SPI1: variants seen among roughly 807,000 people sequenced by gnomAD.
The protein encoded by SPI1 is transcription factor PU.1.
A neutral mutation model predicts 30.7 loss-of-function variants in SPI1; 3 were observed. The ratio of observed to expected loss-of-function variants is 0.10; its 90% CI spans 0.04 to 0.25. The LOEUF (loss-of-function observed/expected upper bound fraction) is 0.25, where lower values mean the gene tolerates loss of function less well. SPI1 is among the 10% of genes least tolerant of loss of function. The pLI is 1.00. For synonymous variants in SPI1, 169 were observed against 157.1 expected, an observed-to-expected ratio of 1.08 and a Z score of -0.56; for missense variants, 261 against 371.5, an observed-to-expected ratio of 0.70 and a Z score of 2.45.
chr11:47,378,457 G>T lies in SPI1; in HGVS notation c.-104C>A. The T allele has an allele frequency of 2.3e-6, 3 of 1,324,486 alleles. No individual in the cohort carries two copies. The highest frequency in any genetic ancestry group is 1.1e-6 in the Non-Finnish European group (1 of 945,326). The allele number at this position is 1,324,486 out of a possible 1,614,324, so 82.0% of individuals were successfully genotyped here. A position where few individuals can be genotyped will look rare whatever the true frequency, so the allele number is the denominator to read the frequency against. On this transcript the variant is annotated 5_prime_UTR_variant, in exon 1 of 5. Coordinates refer to ENST00000378538, the MANE Select transcript of SPI1 (RefSeq NM_003120.3). ...CAGGGGCTGGACGGTCGTGGGGCGG[G>T]TGCAGGGCTCAGGCCTGCCCCCTGA...
intron 2 of SPI1, among the ~76,000 whole-genome samples, chr11:47,368,228 A>C (rs1382432167): frequency 6.6e-6 from 1 of 152,070 alleles, no homozygotes; most frequent in Non-Finnish European, 1.5e-5. Context: ...ACCCGGGCAT[A>C]GTGGTGGACA....
chr11:47,360,172 TG>T (rs2095918645), intron 2 of SPI1, 132 bp from the exon 3 acceptor site: 1 of 778,520 alleles, frequency 1.3e-6, no homozygotes, highest in African/African-American at 1.8e-5. Flanking sequence ...GCCACCTGCA[TG>T]GTTACTCTAG....
Position 47,359,057 on chromosome 11 carries a change from CAG to C in SPI1, c.331-53_331-52del. The C allele has an allele frequency of 1.3e-6, 2 of 1,490,468 alleles. No homozygotes were observed. Among genetic ancestry groups the C allele is most frequent in the South Asian group, 1.4e-5 (1 of 71,864 alleles). 92.3% of individuals were successfully genotyped at this position (1,490,468 alleles called of 1,614,324 possible). A position where few individuals can be genotyped will look rare whatever the true frequency, so the allele number is the denominator to read the frequency against. ...AGTCAGGAAGGGCCAGCTTACAGCT[CAG>C]GGGGGCTGGGAGGGAGGTCAGCTGG... On this transcript the variant is annotated intron_variant, in intron 3 of 4. Transcript: ENST00000378538. The surrounding 1 kb of genome is among the most constrained non-coding windows in gnomAD (Gnocchi z 5.1).
At chr11:47,366,610 G>A (rs564647148) in intron 2 of SPI1, among the ~76,000 whole-genome samples, 1 of 152,072 alleles carries the variant, frequency 6.6e-6, no homozygotes, top group African/African-American at 2.4e-5. Context: ...CTGACATCAG[G>A]AGTTCAAGAT....
rs1268525430 is a variant in SPI1 at position 47,359,052 on chromosome 11, C to T, written c.331-46G>A. 8.0e-6 allele frequency: 12 copies of T among 1,500,628 alleles called. No homozygotes were observed. The highest frequency in any genetic ancestry group is 1.4e-5 in the South Asian group (1 of 72,660). 93.0% of individuals were successfully genotyped at this position (1,500,628 alleles called of 1,614,324 possible). Reference sequence around the variant, plus strand: ...ATCAGAGTCAGGAAGGGCCAGCTTACAGCTCAGGGGGGCTGGGAGGGAGGT... The same window carrying T: ...ATCAGAGTCAGGAAGGGCCAGCTTATAGCTCAGGGGGGCTGGGAGGGAGGT... On this transcript the variant is annotated intron_variant, in intron 3 of 4. Coordinates refer to ENST00000378538, the MANE Select transcript of SPI1 (RefSeq NM_003120.3). The surrounding 1 kb of genome is among the most constrained non-coding windows in gnomAD (Gnocchi z 5.1).
At chr11:47,363,245 G>A (rs184783972) in intron 2 of SPI1, among the ~76,000 whole-genome samples, 149 of 152,334 alleles carry the variant, frequency 9.8e-4, no homozygotes, top group African/African-American at 3.5e-3. Flanking sequence ...TCTAGGCCAG[G>A]TGCAGTGGCT....
rs1358763989 is a variant in SPI1 at position 47,358,414 on chromosome 11, A to C, written c.493+430T>G. On this transcript the variant is annotated intron_variant, in intron 4 of 4. Coordinates refer to ENST00000378538, the MANE Select transcript of SPI1 (RefSeq NM_003120.3). The stretch of plus-strand genomic sequence containing the variant: ...CATACGTGCACAGCTGCTCACACGC[A>C]CTGAAATACATTCATGTGTTGACAG... 13 of 628,742 alleles carry C rather than the reference A, an allele frequency of 2.1e-5. No individual in the cohort carries two copies. In the South Asian group the frequency reaches 2.1e-4, roughly 10 times the overall value. 38.9% of individuals were successfully genotyped at this position (628,742 alleles called of 1,614,324 possible).
chr11:47,361,143 G>A (rs1232116467), intron 2 of SPI1, among the ~76,000 whole-genome samples: 1 of 151,938 alleles, frequency 6.6e-6, no homozygotes, highest in Non-Finnish European at 1.5e-5. Flanking sequence ...AAAGAAAAAA[G>A]AAAAGAAAAA....
chr11:47,363,713 A>G (rs927114981), intron 2 of SPI1, among the ~76,000 whole-genome samples: 13 of 152,016 alleles, frequency 8.6e-5, no homozygotes, highest in African/African-American at 2.9e-4. Context: ...CTGTAATCCA[A>G]GCACTTTGGG....
chr11:47,375,604 G>T lies in SPI1; in HGVS notation c.142+29C>A. 1.3e-6 allele frequency: 2 copies of T among 1,555,564 alleles called. No homozygotes were observed. Among genetic ancestry groups the T allele is most frequent in the South Asian group, 1.1e-5 (1 of 89,994 alleles). On this transcript the variant is annotated intron_variant, in intron 2 of 4. Transcript: ENST00000378538. The surrounding 1 kb of genome is among the most constrained non-coding windows in gnomAD (Gnocchi z 4.2). The stretch of plus-strand genomic sequence containing the variant: ...CCCAGGAGCCCAGGCTGGGCTGGGG[G>T]ATGGGGGCGTGGCAGGCCCCGTACT...
intron 1 of SPI1, among the ~76,000 whole-genome samples, chr11:47,376,311 C>A (rs1349401195): frequency 6.6e-6 from 1 of 151,992 alleles, no homozygotes; most frequent in Admixed American, 6.6e-5. Context: ...ACACTCACAC[C>A]CCCAGAGCCA....
intron 4 of SPI1, chr11:47,358,622 A>G (rs1390161780): frequency 4.3e-6 from 3 of 705,572 alleles, no homozygotes; most frequent in Admixed American, 2.0e-5. Context: ...AGACACACAC[A>G]CCTGGCACAC....
chr11:47,375,490 A>G lies in SPI1; in HGVS notation c.142+143T>C, dbSNP rs1389058819. 1.5e-6 allele frequency: 1 copy of G among 673,928 alleles called. No individual in the cohort carries two copies. The highest frequency in any genetic ancestry group is 1.8e-5 in the African/African-American group (1 of 56,116). The allele number at this position is 673,928 out of a possible 1,614,324, so 41.7% of individuals were successfully genotyped here. A position where few individuals can be genotyped will look rare whatever the true frequency, so the allele number is the denominator to read the frequency against. ...TGTGGGGGTGCAGCGATGATGCTGCAGTTCACTGCCTTTGAGAGCAAACTT... is the reference window on the plus strand; with the variant it reads ...TGTGGGGGTGCAGCGATGATGCTGCGGTTCACTGCCTTTGAGAGCAAACTT... On this transcript the variant is annotated intron_variant, in intron 2 of 4. Transcript: ENST00000378538. The surrounding 1 kb of genome is among the most constrained non-coding windows in gnomAD (Gnocchi z 4.2).
intron 1 of SPI1, among the ~76,000 whole-genome samples, chr11:47,376,166 T>C (rs1449322386): frequency 6.6e-6 from 1 of 150,950 alleles, no homozygotes; most frequent in East Asian, 2.0e-4. Flanking sequence ...CTGCACACTA[T>C]CCCTCACACA....
intron 2 of SPI1, among the ~76,000 whole-genome samples, chr11:47,369,047 A>G (rs2095932155): frequency 6.6e-6 from 1 of 152,132 alleles, no homozygotes; most frequent in Admixed American, 6.6e-5. Flanking sequence ...GGACTTCAAG[A>G]CCAGCCTGGC....
Position 47,355,101 on chromosome 11 carries a change from C to T in SPI1, c.*126G>A. The stretch of plus-strand genomic sequence containing the variant: ...GAGTGGGGGGAGGGGGCGGGTGAGG[C>T]GAGGCCCGGCCCGCCACAGTCCTGC... On this transcript the variant is annotated 3_prime_UTR_variant, in exon 5 of 5. Coordinates refer to ENST00000378538, the MANE Select transcript of SPI1 (RefSeq NM_003120.3). 2 of 681,482 alleles carry T rather than the reference C, an allele frequency of 2.9e-6. No homozygotes were observed. The highest frequency in any genetic ancestry group is 4.1e-6 in the Non-Finnish European group (2 of 492,254). 42.2% of individuals were successfully genotyped at this position (681,482 alleles called of 1,614,324 possible).
intron 2 of SPI1, among the ~76,000 whole-genome samples, chr11:47,369,739 A>C (rs528841619): frequency 4.3e-4 from 65 of 152,348 alleles, no homozygotes; most frequent in African/African-American, 1.5e-3. Flanking sequence ...TTCCATACAC[A>C]GCCAAACTAT....
intron 2 of SPI1, among the ~76,000 whole-genome samples, chr11:47,364,522 T>C (rs10838699): frequency 0.68 from 103,717 of 151,844 alleles, 35,524 homozygotes; most frequent in African/African-American, 0.74. Flanking sequence ...TTTTGCCTTC[T>C]CCTGCCCAAG....
chr11:47,355,630 G>T, intron 4 of SPI1, 84 bp from the exon 5 acceptor site: 1 of 1,245,460 alleles, frequency 8.0e-7, no homozygotes, highest in Non-Finnish European at 1.1e-6. Flanking sequence ...ACAGGGGCCC[G>T]GGGACGGGGT....
Sources: allele counts gnomAD v4.1 joint callset (sites outside exome capture counted in the v4.1 genomes callset), GRCh38; gene constraint gnomAD v4.1.1; non-coding constraint Gnocchi (gnomAD v3.1); transcripts MANE v1.5; gene names NCBI Gene and HGNC (gene_info 2026-07-23, HGNC 2026-07-21).